The following SAMD5 variants were observed in gnomAD, a reference collection of about 807,000 sequenced individuals.
SAMD5 encodes the protein sterile alpha motif domain containing 5.
In SAMD5, 13 loss-of-function variants were observed where a neutral mutation model predicts 11.3. That is an observed-to-expected ratio of 1.15 (90% CI 0.75 to 1.83). SAMD5 has a LOEUF of 1.83. Ranked by LOEUF, SAMD5 falls within the 40% of genes most tolerant of loss-of-function variation. The pLI, the probability that SAMD5 is intolerant of heterozygous loss-of-function variation, is 0.00. For synonymous variants in SAMD5, 129 were observed against 111.3 expected (o/e 1.16, Z -1.00); for missense variants, 255 against 239.1 (o/e 1.07, Z -0.44).
intron 1 of SAMD5, among the ~76,000 whole-genome samples, chr6:147,530,901 C>T (rs1788420987): frequency 6.6e-6 from 1 of 152,214 alleles, no homozygotes; most frequent in Non-Finnish European, 1.5e-5. Context: ...AATTGTGGAA[C>T]ACAAATCCAA....
chr6:147,640,651 T>C (rs1053813079), intron 1 of SAMD5, among the ~76,000 whole-genome samples: 1 of 152,098 alleles, frequency 6.6e-6, no homozygotes, highest in African/African-American at 2.4e-5. Context: ...AACTTCAACA[T>C]TTACCCAAAT....
intron 1 of SAMD5, among the ~76,000 whole-genome samples, chr6:147,699,107 A>G (rs778760182): frequency 3.9e-5 from 6 of 152,100 alleles, no homozygotes; most frequent in African/African-American, 7.2e-5. Context: ...GCTGGAAATC[A>G]TGTGCCTGAT....
intron 1 of SAMD5, among the ~76,000 whole-genome samples, chr6:147,635,655 A>G (rs1029855179): frequency 2.6e-5 from 4 of 152,304 alleles, no homozygotes; most frequent in African/African-American, 4.8e-5. Context: ...ACCACAGCCA[A>G]TGGAATAATA....
At chr6:147,897,237 T>G in the SAMD5 span, among the ~76,000 whole-genome samples, 1 of 152,212 alleles carries the variant, frequency 6.6e-6, no homozygotes, top group Non-Finnish European at 1.5e-5. Flanking sequence ...CAAGCTTCAT[T>G]TGCAGGTTTA....
intron 1 of SAMD5, among the ~76,000 whole-genome samples, chr6:147,616,171 ATATT>A (rs1215861987): frequency 1.7e-5 from 2 of 120,286 alleles, no homozygotes; most frequent in Admixed American, 8.1e-5. Context: ...TATTTCATAT[ATATT>A]TATTCATATA....
At chr6:147,797,152 C>G in the SAMD5 span, among the ~76,000 whole-genome samples, 1 of 119,692 alleles carries the variant, frequency 8.4e-6, no homozygotes. Context: ...TGCCAGTTTT[C>G]AAAGGGAATG....
At chr6:147,688,294 T>C (rs1791047147) in intron 1 of SAMD5, among the ~76,000 whole-genome samples, 1 of 152,172 alleles carries the variant, frequency 6.6e-6, no homozygotes, top group African/African-American at 2.4e-5. Context: ...TGTGTTTTTC[T>C]TTTAATTTGC....
At chr6:147,607,677 C>T (rs1035302925) in intron 1 of SAMD5, among the ~76,000 whole-genome samples, 2 of 152,162 alleles carry the variant, frequency 1.3e-5, no homozygotes, top group Non-Finnish European at 2.9e-5. Flanking sequence ...AGACTTCAAA[C>T]GATGAAACCA....
the SAMD5 span, among the ~76,000 whole-genome samples, chr6:147,795,163 C>T: frequency 6.8e-6 from 1 of 147,524 alleles, no homozygotes; most frequent in East Asian, 2.0e-4. Context: ...GTGCTGCACC[C>T]ACTAACTCGT....
At chr6:147,572,951 C>T (rs1789158567), downstream of SAMD5, among the ~76,000 whole-genome samples, 1 of 152,026 alleles carries the variant, frequency 6.6e-6, no homozygotes, top group African/African-American at 2.4e-5. Context: ...AAAGTAAAGG[C>T]AAAAAAGAGT....
chr6:147,603,096 T>C (rs1789647202), intron 1 of SAMD5, among the ~76,000 whole-genome samples: 1 of 152,198 alleles, frequency 6.6e-6, no homozygotes, highest in Admixed American at 6.5e-5. Flanking sequence ...AAGATAAGAC[T>C]ACCCAAGTTC....
chr6:147,574,230 G>A (rs551653029), downstream of SAMD5, among the ~76,000 whole-genome samples: 1 of 152,082 alleles, frequency 6.6e-6, no homozygotes, highest in African/African-American at 2.4e-5. Flanking sequence ...ATGTGCCCAG[G>A]TTAATTCAAA....
At chr6:147,821,652 C>G in the SAMD5 span, among the ~76,000 whole-genome samples, 1 of 152,168 alleles carries the variant, frequency 6.6e-6, no homozygotes, top group Non-Finnish European at 1.5e-5. Context: ...CTACAGCAGA[C>G]AGATTGCAAT....
At chr6:147,940,721 G>T in the SAMD5 span, among the ~76,000 whole-genome samples, 15 of 152,180 alleles carry the variant, frequency 9.9e-5, no homozygotes, top group African/African-American at 3.6e-4. Context: ...CCAGTACTTT[G>T]GGAGGCCAAG....
chr6:147,775,880 G>T, the SAMD5 span, among the ~76,000 whole-genome samples: 1 of 152,132 alleles, frequency 6.6e-6, no homozygotes, highest in African/African-American at 2.4e-5. Flanking sequence ...ACAGAGAAAG[G>T]GATGGCGATA....
chr6:147,723,959 C>G (rs766093074), intron 1 of SAMD5, among the ~76,000 whole-genome samples: 66 of 152,248 alleles, frequency 4.3e-4, no homozygotes, highest in Non-Finnish European at 8.2e-4. Flanking sequence ...TCACTAACTG[C>G]CCCAGGGCCC....
chr6:147,557,511 T>C (rs1788876586), intron 1 of SAMD5, among the ~76,000 whole-genome samples: 1 of 152,226 alleles, frequency 6.6e-6, no homozygotes, highest in Non-Finnish European at 1.5e-5. Flanking sequence ...ATTCCTTGGC[T>C]TGTGGCTGCA....
the SAMD5 span, among the ~76,000 whole-genome samples, chr6:147,951,579 C>T: frequency 6.6e-6 from 1 of 152,258 alleles, no homozygotes; most frequent in Admixed American, 6.5e-5. Context: ...ATGTGTCTAC[C>T]GCACTGCGTG....
the SAMD5 span, among the ~76,000 whole-genome samples, chr6:147,933,706 G>C: frequency 6.7e-6 from 1 of 149,148 alleles, no homozygotes; most frequent in African/African-American, 2.6e-5. Flanking sequence ...TTAATATCTA[G>C]CATTAAAAAC....
Sources: allele counts gnomAD v4.1 joint callset (sites outside exome capture counted in the v4.1 genomes callset), GRCh38; gene constraint gnomAD v4.1.1; transcripts MANE v1.5; gene names NCBI Gene and HGNC (gene_info 2026-07-23, HGNC 2026-07-21).